Variants in NOVA1 observed in about 807,000 individuals in gnomAD.
NOVA1 encodes the protein NOVA alternative splicing regulator 1, also known as RNA-binding protein Nova-1.
Under a neutral mutation model 38.0 loss-of-function variants are expected in NOVA1, and 7 were observed. The ratio of observed to expected loss-of-function variants is 0.18; its 90% CI spans 0.10 to 0.35. The LOEUF (loss-of-function observed/expected upper bound fraction) is 0.35, where lower values mean the gene tolerates loss of function less well. Among genes scored for constraint, NOVA1 ranks in the 10% least tolerant of loss-of-function variants. The pLI, the probability that NOVA1 is intolerant of heterozygous loss-of-function variation, is 1.00. For synonymous variants in NOVA1, 270 were observed against 232.5 expected, an observed-to-expected ratio of 1.16 and a Z score of -1.47; for missense variants, 460 against 616.0, an observed-to-expected ratio of 0.75 and a Z score of 2.68.
intron 2 of NOVA1, among the ~76,000 whole-genome samples, chr14:26,481,214 T>C (rs536546341): frequency 5.9e-4 from 90 of 152,190 alleles, no homozygotes; most frequent in Non-Finnish European, 9.7e-4. Context: ...AATGGGATTT[T>C]AAAATTTATA....
At chr14:26,589,696 T>C (rs1893730190) in intron 2 of NOVA1, among the ~76,000 whole-genome samples, 1 of 151,862 alleles carries the variant, frequency 6.6e-6, no homozygotes, top group Admixed American at 6.6e-5. Context: ...TTTACATATG[T>C]ACTGGTGGCA....
At chr14:26,487,120 T>C (rs61986461) in intron 2 of NOVA1, among the ~76,000 whole-genome samples, 6,273 of 152,138 alleles carry the variant, frequency 0.041, 191 homozygotes, top group South Asian at 0.097. Context: ...AGATAATGAG[T>C]CAGCAAAAGC....
At chr14:26,533,117 GAAAT>G (rs1213666256) in intron 2 of NOVA1, among the ~76,000 whole-genome samples, 1 of 152,166 alleles carries the variant, frequency 6.6e-6, no homozygotes, top group Non-Finnish European at 1.5e-5. Context: ...TATCACGTCT[GAAAT>G]AAAGACAAGG....
At chr14:26,521,240 C>G (rs1001723491) in intron 2 of NOVA1, among the ~76,000 whole-genome samples, 2 of 151,910 alleles carry the variant, frequency 1.3e-5, no homozygotes, top group African/African-American at 4.8e-5. Flanking sequence ...AGGTTGAAAA[C>G]TGACATGTTA....
rs1199403395 is a variant in NOVA1, at chr14:26,574,281, GC to G, written c.280+21128del. On this transcript the variant is annotated intron_variant, in intron 2 of 4. Coordinates refer to ENST00000539517, the MANE Select transcript of NOVA1 (RefSeq NM_002515.3). ...CCTCGTGATCCACCCCCCCCCCCCC[GC>G]CCCCTCGGCCTCCCAAAGTGCTGGG... Among the ~76,000 whole-genome samples the G allele has an allele frequency of 4.8e-3, 143 of 29,638 alleles. 9 individuals carry two copies. The highest frequency in any genetic ancestry group is 0.03 in the East Asian group (30 of 1,002). 19.4% of individuals were successfully genotyped at this position (29,638 alleles called of 152,430 possible).
intron 2 of NOVA1, among the ~76,000 whole-genome samples, chr14:26,547,261 T>C (rs1264809265): frequency 6.6e-6 from 1 of 152,082 alleles, no homozygotes; most frequent in African/African-American, 2.4e-5. Flanking sequence ...CCTTTGAAAA[T>C]CACCAATAGA....
chr14:26,463,746 A>G (rs938826756), intron 4 of NOVA1, among the ~76,000 whole-genome samples: 4 of 152,146 alleles, frequency 2.6e-5, no homozygotes, highest in Non-Finnish European at 4.4e-5. Flanking sequence ...CGTACACCAT[A>G]ATTTCAAATA....
At chr14:26,532,001 A>G (rs1383140984) in intron 2 of NOVA1, among the ~76,000 whole-genome samples, 1 of 152,216 alleles carries the variant, frequency 6.6e-6, no homozygotes, top group African/African-American at 2.4e-5. Context: ...ATGAGATACA[A>G]TTACGCAAAT....
intron 2 of NOVA1, chr14:26,519,189 G>A (rs1888693186): frequency 7.8e-6 from 1 of 128,290 alleles, no homozygotes. Flanking sequence ...TATAATTTTA[G>A]AAATATTTTG....
chr14:26,545,442 C>T (rs1263491155), intron 2 of NOVA1, among the ~76,000 whole-genome samples: 1 of 151,876 alleles, frequency 6.6e-6, no homozygotes, highest in Non-Finnish European at 1.5e-5. Flanking sequence ...ATCCTGGGAA[C>T]TATAAAGACT....
intron 2 of NOVA1, among the ~76,000 whole-genome samples, chr14:26,539,636 G>A (rs1282449231): frequency 1.3e-5 from 2 of 151,920 alleles, no homozygotes; most frequent in South Asian, 4.2e-4. Context: ...AAGAAAACAG[G>A]ATTATATTAA....
chr14:26,586,463 A>G (rs1298579037), intron 2 of NOVA1, among the ~76,000 whole-genome samples: 1 of 151,266 alleles, frequency 6.6e-6, no homozygotes, highest in Non-Finnish European at 1.5e-5. Context: ...AATGTTATGA[A>G]TATTCACCCA....
intron 2 of NOVA1, among the ~76,000 whole-genome samples, chr14:26,561,327 C>T (rs970496941): frequency 1.3e-5 from 2 of 152,202 alleles, no homozygotes; most frequent in African/African-American, 4.8e-5. Flanking sequence ...TTTTAAAATA[C>T]ACTTGGAATT....
intron 2 of NOVA1, among the ~76,000 whole-genome samples, chr14:26,580,632 A>G (rs1396937763): frequency 1.3e-5 from 2 of 152,012 alleles, no homozygotes; most frequent in East Asian, 3.9e-4. Context: ...TTTGCGGAAA[A>G]CTCATTCTTA....
intron 2 of NOVA1, among the ~76,000 whole-genome samples, chr14:26,542,303 G>T (rs771254068): frequency 2.6e-5 from 4 of 151,820 alleles, no homozygotes; most frequent in African/African-American, 4.8e-5. Flanking sequence ...TTTTTAAATA[G>T]AGGTAATTTT....
chr14:26,596,984 C>G, intron 1 of NOVA1: 1 of 1,232,690 alleles, frequency 8.1e-7, no homozygotes. Context: ...CTGAATGGAC[C>G]TTCTTGCCCA....
At chr14:26,523,487 T>A (rs144583495) in intron 2 of NOVA1, among the ~76,000 whole-genome samples, 2,002 of 152,294 alleles carry the variant, frequency 0.013, 22 homozygotes, top group Middle Eastern at 0.027. Context: ...TAAGTACAAT[T>A]CCATGGTATG....
At position 26,512,761 on chromosome 14, in the gene NOVA1, T is replaced by C. The variant is rs368821295; in HGVS notation, c.281-32618A>G. The stretch of plus-strand genomic sequence containing the variant: ...TATACATGTGGCATAATTTGAAAAG[T>C]AGAAAAATATATGCAAATATTATAA... On this transcript the variant is annotated intron_variant, in intron 2 of 4. Transcript: ENST00000539517. Among the ~76,000 whole-genome samples the C allele has an allele frequency of 9.4e-3, 1,434 of 152,154 alleles. 9 individuals are homozygous for C. Among genetic ancestry groups the C allele is most frequent in the South Asian group, 0.036 (173 of 4,832 alleles).
At chr14:26,563,698 T>C (rs1891963152) in intron 2 of NOVA1, among the ~76,000 whole-genome samples, 1 of 152,032 alleles carries the variant, frequency 6.6e-6, no homozygotes, top group Non-Finnish European at 1.5e-5. Flanking sequence ...GACTCCTTTG[T>C]TAGGATGCAT....
Sources: gnomAD v4.1 joint callset for allele counts (sites outside exome capture counted in the v4.1 genomes callset) on GRCh38, gnomAD v4.1.1 for gene constraint, MANE v1.5 for transcripts, NCBI Gene and HGNC (gene_info 2026-07-23, HGNC 2026-07-21) for gene names.